The following GTF2B variants were observed in gnomAD, a reference collection of about 807,000 sequenced individuals.
GTF2B encodes transcription initiation factor IIB.
Under a neutral mutation model 34.6 loss-of-function variants are expected in GTF2B, and 20 were observed. The ratio of observed to expected loss-of-function variants is 0.58; its 90% CI spans 0.41 to 0.84. GTF2B has a LOEUF of 0.84. Among genes scored for constraint, GTF2B ranks in the 40% least tolerant of loss-of-function variants. The probability of loss-of-function intolerance (pLI) is 0.00; values close to 1 mark genes in which losing one functional copy is unlikely to be tolerated. For synonymous variants in GTF2B, 142 were observed against 132.4 expected, an observed-to-expected ratio of 1.07 and a Z score of -0.50; for missense variants, 237 against 393.3, an observed-to-expected ratio of 0.60 and a Z score of 3.36.
At chr1:88,869,755 T>A (rs1038557080) in intron 2 of GTF2B, among the ~76,000 whole-genome samples, 1 of 152,052 alleles carries the variant, frequency 6.6e-6, no homozygotes, top group African/African-American at 2.4e-5. Context: ...AGCTTCCAAG[T>A]AGCTGGGATT....
Position 88,887,149 on chromosome 1 carries a change from C to T in GTF2B, c.124+112G>A, listed in dbSNP as rs185426321. ...GGTCAGGCTGGTCTCGAACTCCTGA[C>T]CTCAGGTGATCCTCCCACCTTGGCC... On this transcript the variant is annotated intron_variant, in intron 2 of 6. Coordinates refer to ENST00000370500, the MANE Select transcript of GTF2B (RefSeq NM_001514.6). 13 of 645,118 alleles carry T rather than the reference C, an allele frequency of 2.0e-5. No individual in the cohort carries two copies. The Middle Eastern group carries it at 8.1e-4, about 40-fold the overall frequency. The allele number at this position is 645,118 out of a possible 1,614,324, so 40.0% of individuals were successfully genotyped here.
rs1336712668 is a variant in GTF2B at position 88,860,158 on chromosome 1, A to G, written c.387T>C (p.Asn129=). The part of the protein sequence containing the change: ...KEITTMADRI[N]LPRNIVDRTN... ...AACTTACAACTATATTTCGAGGTAG[A>G]TTGATTCTGTCTGCCATGGTAGTGA... Residue 129 remains asparagine, a synonymous_variant, in exon 4 of 7, where the codon AAT becomes AAC. Coordinates refer to ENST00000370500, the MANE Select transcript of GTF2B (RefSeq NM_001514.6). The G allele has an allele frequency of 4.3e-6, 7 of 1,614,028 alleles. No homozygotes were observed. The highest frequency in any genetic ancestry group is 1.3e-5 in the African/African-American group (1 of 74,944).
chr1:88,870,896 CTTT>C (rs1022965980), intron 2 of GTF2B, among the ~76,000 whole-genome samples: 1,161 of 109,110 alleles, frequency 0.011, 7 homozygotes, highest in African/African-American at 0.042. Context: ...CTTACACAGT[CTTT>C]TTTTTTTTTT....
intron 2 of GTF2B, among the ~76,000 whole-genome samples, chr1:88,867,982 T>C (rs1673598927): frequency 2.0e-5 from 3 of 152,198 alleles, no homozygotes; most frequent in Admixed American, 1.3e-4. Flanking sequence ...TCACAAGGAA[T>C]GAAGTTTCCA....
intron 5 of GTF2B, among the ~76,000 whole-genome samples, chr1:88,858,956 C>T (rs1396295446): frequency 6.6e-6 from 1 of 151,634 alleles, no homozygotes; most frequent in Non-Finnish European, 1.5e-5. Flanking sequence ...CAACCTCTGC[C>T]TCCCGGTTTC....
intron 2 of GTF2B, among the ~76,000 whole-genome samples, chr1:88,871,929 C>T (rs1673702123): frequency 6.6e-6 from 1 of 151,804 alleles, no homozygotes; most frequent in Admixed American, 6.6e-5. Flanking sequence ...GACAGGGTTT[C>T]ACCACGTTGG....
chr1:88,881,136 AAAG>A (rs1673929501), intron 2 of GTF2B, among the ~76,000 whole-genome samples: 1 of 151,548 alleles, frequency 6.6e-6, no homozygotes, highest in East Asian at 1.9e-4. Context: ...AGAAGCTCCA[AAAG>A]CCAGAATAAA....
chr1:88,882,373 T>C (rs1673971726), intron 2 of GTF2B, among the ~76,000 whole-genome samples: 1 of 148,628 alleles, frequency 6.7e-6, no homozygotes, highest in Admixed American at 6.7e-5. Flanking sequence ...AAGCTGAAAT[T>C]ATCTTCAATC....
At chr1:88,884,023 C>CTTTTGTT (rs1557661509) in intron 2 of GTF2B, among the ~76,000 whole-genome samples, 3 of 111,206 alleles carry the variant, frequency 2.7e-5, no homozygotes, top group Non-Finnish European at 1.8e-5. Context: ...TCAGCACTGA[C>CTTTTGTT]TTTTTTTTTT....
rs531917485 is a variant in GTF2B at position 88,891,422 on chromosome 1, T to C, written c.17+61A>G. 1.6e-5 allele frequency: 23 copies of C among 1,437,544 alleles called. No individual in the cohort carries two copies. The South Asian group carries it at 2.3e-4, about 14-fold the overall frequency. 89.0% of individuals were successfully genotyped at this position (1,437,544 alleles called of 1,614,324 possible). ...CCTACGAGGCTGCCCGGAGGCCGCCTAAAAGCCGGCGGCGCTCGCGCCCGC... is the reference window on the plus strand; with the variant it reads ...CCTACGAGGCTGCCCGGAGGCCGCCCAAAAGCCGGCGGCGCTCGCGCCCGC... On this transcript the variant is annotated intron_variant, in intron 1 of 6. Transcript: ENST00000370500.
intron 5 of GTF2B, among the ~76,000 whole-genome samples, chr1:88,859,562 C>T (rs995197702): frequency 6.6e-6 from 1 of 152,086 alleles, no homozygotes; most frequent in African/African-American, 2.4e-5. Flanking sequence ...AGGATGGGCA[C>T]AGTGCCTCAC....
chr1:88,865,991 TTTTAA>T (rs1673550926), intron 2 of GTF2B, among the ~76,000 whole-genome samples: 1 of 152,184 alleles, frequency 6.6e-6, no homozygotes, highest in African/African-American at 2.4e-5. Context: ...TATGCTAACT[TTTTAA>T]TTTTTTATAT....
At chr1:88,861,983 T>C (rs888843921) in intron 3 of GTF2B, among the ~76,000 whole-genome samples, 1 of 152,196 alleles carries the variant, frequency 6.6e-6, no homozygotes, top group Non-Finnish European at 1.5e-5. Context: ...AGGAAAATCA[T>C]TTAATCAACT....
rs979921017 is a variant in GTF2B, at chr1:88,871,923, G to A, written c.125-7809C>T. 2.6e-5 allele frequency among the ~76,000 whole-genome samples: 4 copies of A among 151,942 alleles called. No individual in the cohort carries two copies. The South Asian group carries it at 8.3e-4, about 32-fold the overall frequency. On this transcript the variant is annotated intron_variant, in intron 2 of 6. Coordinates refer to ENST00000370500, the MANE Select transcript of GTF2B (RefSeq NM_001514.6). ...ATTTTTTGTATTTTTAGTAGAGACAGGGTTTCACCACGTTGGCCAGGCTGG... is the reference window on the plus strand; with the variant it reads ...ATTTTTTGTATTTTTAGTAGAGACAAGGTTTCACCACGTTGGCCAGGCTGG...
chr1:88,887,693 G>A (rs10922498), intron 1 of GTF2B: 24,854 of 267,120 alleles, frequency 0.093, 4,094 homozygotes, highest in African/African-American at 0.42. Context: ...ACTAGTTACC[G>A]TAATAACCTG....
Position 88,857,294 on chromosome 1 carries a change from G to A in GTF2B, c.729C>T (p.Asp243=). 6.2e-7 allele frequency: 1 copy of A among 1,613,534 alleles called. No individual in the cohort carries two copies. ...THIARKAVEL[D]LVPGRSPISV... is the part of the protein sequence containing the mutation. ...AGATGGGGCTCCTCCCAGGAACCAA[G>A]TCCAGTTCCACAGCTTTACGGGCTA... Residue 243 remains aspartate (D), a synonymous_variant, in exon 6 of 7, where the codon GAC becomes GAT. Coordinates refer to ENST00000370500, the MANE Select transcript of GTF2B (RefSeq NM_001514.6).
At chr1:88,868,466 C>CCA (rs1262262298) in intron 2 of GTF2B, among the ~76,000 whole-genome samples, 2 of 152,138 alleles carry the variant, frequency 1.3e-5, no homozygotes, top group African/African-American at 4.8e-5. Flanking sequence ...AGTTCCCCAT[C>CCA]CAAAAGAGTA....
At chr1:88,857,618 C>A in intron 5 of GTF2B, 131 bp from the exon 6 acceptor site, 1 of 576,128 alleles carries the variant, frequency 1.7e-6, no homozygotes, top group Non-Finnish European at 3.0e-6. Flanking sequence ...AAAGATGAAA[C>A]CCTAATCATC....
chr1:88,857,603 A>T, intron 5 of GTF2B, 116 bp from the exon 6 acceptor site: 1 of 606,554 alleles, frequency 1.6e-6, no homozygotes, highest in Non-Finnish European at 2.9e-6. Context: ...ATTCAATCAT[A>T]CCTTAAAGAT....
Sources: gnomAD v4.1 joint callset for allele counts (sites outside exome capture counted in the v4.1 genomes callset) on GRCh38, gnomAD v4.1.1 for gene constraint, MANE v1.5 for transcripts, NCBI Gene and HGNC (gene_info 2026-07-23, HGNC 2026-07-21) for gene names.